CDCA7L: variants seen among roughly 807,000 people sequenced by gnomAD.
CDCA7L encodes the protein cell division cycle-associated 7-like protein.
In CDCA7L, 44 loss-of-function variants were observed where a neutral mutation model predicts 57.4. That is an observed-to-expected ratio of 0.77 (90% CI 0.60 to 0.98). The LOEUF (loss-of-function observed/expected upper bound fraction) is 0.98, where lower values mean the gene tolerates loss of function less well. CDCA7L is among the 50% of genes least tolerant of loss of function. The pLI is 0.00. For synonymous variants in CDCA7L, 236 were observed against 202.8 expected (o/e 1.16, Z -1.39); for missense variants, 644 against 580.6 (o/e 1.11, Z -1.12).
chr7:21,901,317 G>T lies in CDCA7L; in HGVS notation c.*1005C>A. 6.6e-6 allele frequency: 10 copies of T among 1,514,108 alleles called. No individual in the cohort carries two copies. Among genetic ancestry groups the T allele is most frequent in the Non-Finnish European group, 8.8e-6 (10 of 1,131,344 alleles). The allele number at this position is 1,514,108 out of a possible 1,614,324, so 93.8% of individuals were successfully genotyped here. ...AGTGAGGATTTTCTAGCATGTTGCT[G>T]CACTGTTCCCATGCACATTATTCTA... On this transcript the variant is annotated 3_prime_UTR_variant, in exon 10 of 10. Coordinates refer to ENST00000406877, the MANE Select transcript of CDCA7L (RefSeq NM_018719.5).
At chr7:21,934,621 T>C (rs551215829) in intron 1 of CDCA7L, among the ~76,000 whole-genome samples, 1 of 152,236 alleles carries the variant, frequency 6.6e-6, no homozygotes, top group East Asian at 1.9e-4. Context: ...TCAAAAGAAA[T>C]TGACTGGCAG....
chr7:21,910,132 T>C (rs1785270307), intron 3 of CDCA7L, among the ~76,000 whole-genome samples: 1 of 152,186 alleles, frequency 6.6e-6, no homozygotes, highest in Non-Finnish European at 1.5e-5. Context: ...TCTGGGGTAA[T>C]TCACTTTCTC....
intron 1 of CDCA7L, among the ~76,000 whole-genome samples, chr7:21,919,940 G>A (rs146639813): frequency 6.5e-4 from 99 of 152,266 alleles, no homozygotes; most frequent in Non-Finnish European, 1.0e-3. Context: ...TGTTTCACAT[G>A]TACTTCCCAT....
chr7:21,912,170 G>A (rs1033587319), intron 2 of CDCA7L, among the ~76,000 whole-genome samples: 1 of 152,040 alleles, frequency 6.6e-6, no homozygotes, highest in Non-Finnish European at 1.5e-5. Context: ...GCTAAGGTGG[G>A]AGGATTACCC....
intron 1 of CDCA7L, among the ~76,000 whole-genome samples, chr7:21,921,495 A>AACACAGTGAT (rs1279747112): frequency 1.3e-5 from 2 of 152,162 alleles, no homozygotes; most frequent in African/African-American, 4.8e-5. Context: ...CCAGTTCCAC[A>AACACAGTGAT]ACACAGTGAT....
chr7:21,902,942 T>C (rs1562618380), intron 9 of CDCA7L, 36 bp downstream of exon 9: 3 of 1,600,604 alleles, frequency 1.9e-6, no homozygotes, highest in Admixed American at 3.4e-5. Context: ...CCTCAAGATT[T>C]CAAGCTGTTT....
chr7:21,900,961 A>AGTAGC lies in CDCA7L; in HGVS notation c.*1356_*1360dup. 6.6e-7 allele frequency: 1 copy of AGTAGC among 1,520,860 alleles called. No homozygotes were observed. Among genetic ancestry groups the AGTAGC allele is most frequent in the Middle Eastern group, 1.8e-4 (1 of 5,642 alleles). The allele number at this position is 1,520,860 out of a possible 1,614,324, so 94.2% of individuals were successfully genotyped here. ...AACAACTTACTTGATCATTATCATT[A>AGTAGC]GTAGCAAGCTGCCACACAATTGCAA... On this transcript the variant is annotated 3_prime_UTR_variant, in exon 10 of 10. Transcript: ENST00000406877.
rs540317511 is a variant in CDCA7L at position 21,902,842 on chromosome 7, T to C, written c.1334+136A>G. 1.2e-4 allele frequency: 89 copies of C among 742,854 alleles called. No homozygotes were observed. In the African/African-American group the frequency reaches 1.4e-3, roughly 11 times the overall value. 46.0% of individuals were successfully genotyped at this position (742,854 alleles called of 1,614,324 possible). A position where few individuals can be genotyped will look rare whatever the true frequency, so the allele number is the denominator to read the frequency against. On this transcript the variant is annotated intron_variant, in intron 9 of 9. Transcript: ENST00000406877. ...CCTGAGCTTTTCCAATGCAAACAGA[T>C]ACAGAATGGATGGTACTCGTGGTTT...
intron 4 of CDCA7L, 24 bp from the exon 5 acceptor site, chr7:21,906,663 A>C: frequency 6.2e-7 from 1 of 1,612,164 alleles, no homozygotes; most frequent in Non-Finnish European, 8.5e-7. Flanking sequence ...CAAAAGAAAG[A>C]ATCTTACAAA....
At chr7:21,912,039 A>G (rs553496104) in intron 2 of CDCA7L, among the ~76,000 whole-genome samples, 2 of 152,136 alleles carry the variant, frequency 1.3e-5, no homozygotes, top group South Asian at 2.1e-4. Context: ...AGGCAGGCAG[A>G]TCACTTGAAC....
chr7:21,915,102 C>T (rs913923722), intron 2 of CDCA7L, among the ~76,000 whole-genome samples: 1 of 152,126 alleles, frequency 6.6e-6, no homozygotes, highest in East Asian at 1.9e-4. Context: ...GATGAGCATT[C>T]GGGTAAGAGC....
intron 8 of CDCA7L, among the ~76,000 whole-genome samples, chr7:21,903,371 G>A (rs796096547): frequency 9.9e-5 from 15 of 152,278 alleles, no homozygotes; most frequent in African/African-American, 3.6e-4. Context: ...ATTTGGCCAA[G>A]CACAGGGCCC....
At chr7:21,940,373 C>A (rs1466586794) in intron 1 of CDCA7L, 1 of 859,352 alleles carries the variant, frequency 1.2e-6, no homozygotes, top group African/African-American at 1.8e-5. Context: ...ACTAACAATA[C>A]TACTTTGCCC....
rs1165633925 is a variant in CDCA7L at position 21,905,687 on chromosome 7, T to C, written c.922-56A>G. 16 of 1,556,038 alleles carry C rather than the reference T, an allele frequency of 1.0e-5. No individual in the cohort carries two copies. The Middle Eastern group carries it at 8.6e-4, about 83-fold the overall frequency. On this transcript the variant is annotated intron_variant, in intron 6 of 9. Transcript: ENST00000406877. ...ATGTGTTGAGCAGTTATAAAAAAATTATAAATATTTTAAACTCTCAAAGAT... is the reference window on the plus strand; with the variant it reads ...ATGTGTTGAGCAGTTATAAAAAAATCATAAATATTTTAAACTCTCAAAGAT...
At position 21,904,085 on chromosome 7, in the gene CDCA7L, C is replaced by T. The variant is rs774318514; in HGVS notation, c.1197+25G>A. ...TTGCTTCCTTCACCAATACAATTTACAACAAATGCAAACACTGTTCCTACC... is the reference window on the plus strand; with the variant it reads ...TTGCTTCCTTCACCAATACAATTTATAACAAATGCAAACACTGTTCCTACC... On this transcript the variant is annotated intron_variant, in intron 8 of 9. Coordinates refer to ENST00000406877, the MANE Select transcript of CDCA7L (RefSeq NM_018719.5). 21 of 1,551,162 alleles carry T rather than the reference C, an allele frequency of 1.4e-5. No homozygotes were observed. In the Admixed American group the frequency reaches 3.5e-4, roughly 26 times the overall value.
chr7:21,904,911 C>T (rs1394565231), intron 7 of CDCA7L, among the ~76,000 whole-genome samples: 3 of 152,296 alleles, frequency 2.0e-5, no homozygotes. Context: ...TGAAAGGTGA[C>T]AGGTGACTGA....
chr7:21,900,957 C>T lies in CDCA7L; in HGVS notation c.*1365G>A, dbSNP rs776498919. ...ATCAAACAACTTACTTGATCATTAT[C>T]ATTAGTAGCAAGCTGCCACACAATT... On this transcript the variant is annotated 3_prime_UTR_variant, in exon 10 of 10. Coordinates refer to ENST00000406877, the MANE Select transcript of CDCA7L (RefSeq NM_018719.5). 15 of 1,516,940 alleles carry T rather than the reference C, an allele frequency of 9.9e-6. No individual in the cohort carries two copies. In the African/African-American group the frequency reaches 1.5e-4, roughly 16 times the overall value. The allele number at this position is 1,516,940 out of a possible 1,614,324, so 94.0% of individuals were successfully genotyped here. A position where few individuals can be genotyped will look rare whatever the true frequency, so the allele number is the denominator to read the frequency against.
chr7:21,919,498 T>C (rs1159887117), intron 1 of CDCA7L, among the ~76,000 whole-genome samples: 1 of 152,136 alleles, frequency 6.6e-6, no homozygotes, highest in Non-Finnish European at 1.5e-5. Flanking sequence ...GGAAATGGCA[T>C]TTAAAAACCA....
chr7:21,907,638 G>C (rs1785180832), intron 4 of CDCA7L, among the ~76,000 whole-genome samples: 1 of 152,126 alleles, frequency 6.6e-6, no homozygotes, highest in Non-Finnish European at 1.5e-5. Flanking sequence ...ACACTGTTGA[G>C]GTTGTTTTAA....
Sources: gnomAD v4.1 joint callset for allele counts (sites outside exome capture counted in the v4.1 genomes callset) on GRCh38, gnomAD v4.1.1 for gene constraint, MANE v1.5 for transcripts, NCBI Gene and HGNC (gene_info 2026-07-23, HGNC 2026-07-21) for gene names.